The following DPP10 variants were observed in gnomAD, a reference collection of about 807,000 sequenced individuals.
The protein encoded by DPP10 is inactive dipeptidyl peptidase 10.
DPP10 carries 33 observed loss-of-function variants against 120.9 expected under a neutral mutation model. The observed-to-expected ratio is 0.27, with a 90% CI of 0.21 to 0.37. DPP10 has a LOEUF of 0.37. Among genes scored for constraint, DPP10 ranks in the 10% least tolerant of loss-of-function variants. DPP10 has a pLI of 1.00. For synonymous variants in DPP10, 337 were observed against 326.1 expected (o/e 1.03, Z -0.36); for missense variants, 816 against 942.8 (o/e 0.87, Z 1.76).
chr2:114,620,627 C>T (rs2105328601), intron 1 of DPP10, among the ~76,000 whole-genome samples: 1 of 152,126 alleles, frequency 6.6e-6, no homozygotes, highest in Admixed American at 6.6e-5. Context: ...ATTTGTTCTG[C>T]AATATCTATT....
intron 1 of DPP10, among the ~76,000 whole-genome samples, chr2:115,294,291 T>C (rs2060787747): frequency 6.6e-6 from 1 of 152,088 alleles, no homozygotes; most frequent in South Asian, 2.1e-4. Flanking sequence ...GCTTCTGCTT[T>C]TAGAGATTAA....
chr2:114,509,490 G>T (rs1683958408), intron 1 of DPP10, among the ~76,000 whole-genome samples: 1 of 152,168 alleles, frequency 6.6e-6, no homozygotes, highest in Non-Finnish European at 1.5e-5. Flanking sequence ...AGGGTAGCAG[G>T]CCTGGAGACT....
intron 11 of DPP10, among the ~76,000 whole-genome samples, chr2:115,753,558 A>G (rs1270837422): frequency 6.6e-6 from 1 of 152,178 alleles, no homozygotes; most frequent in East Asian, 1.9e-4. Flanking sequence ...ATGAAGTATA[A>G]TCCAAGCCAC....
In DPP10 at chr2:115,136,982, T is replaced by C. The variant is rs556413487; in HGVS notation, c.61-172257T>C. ...GAAGTTCAGTTAGCTCAGTCTCTTT[T>C]GTACTAGGTAGAGTTTGTGGCTATT... On this transcript the variant is annotated intron_variant, in intron 1 of 25. Coordinates refer to ENST00000410059, the MANE Select transcript of DPP10 (RefSeq NM_020868.6). Among the ~76,000 whole-genome samples, 11 of 152,318 alleles carry C rather than the reference T, an allele frequency of 7.2e-5. No homozygotes were observed. In the South Asian group the frequency reaches 2.1e-3, roughly 29 times the overall value.
At chr2:115,050,322 A>T (rs1354583590) in intron 1 of DPP10, 1 of 152,180 alleles carries the variant, frequency 6.6e-6, no homozygotes, top group Admixed American at 6.6e-5. Context: ...TTTCTAGTAC[A>T]GGTAATCAGT....
chr2:115,639,627 GTT>G (rs60317856), intron 5 of DPP10, among the ~76,000 whole-genome samples: 7 of 149,856 alleles, frequency 4.7e-5, no homozygotes, highest in Non-Finnish European at 1.0e-4. Context: ...TGCATTACAG[GTT>G]TTTTTTTTTC....
At chr2:115,054,632 G>A (rs1002618702) in intron 1 of DPP10, among the ~76,000 whole-genome samples, 1 of 152,076 alleles carries the variant, frequency 6.6e-6, no homozygotes, top group East Asian at 1.9e-4. Flanking sequence ...CATATTATAG[G>A]CCCAGGGCGA....
intron 11 of DPP10, among the ~76,000 whole-genome samples, chr2:115,761,540 A>C (rs1033680135): frequency 3.9e-5 from 6 of 152,114 alleles, no homozygotes; most frequent in Non-Finnish European, 8.8e-5. Context: ...GTTCTACCAA[A>C]ACTTGGTGGT....
At chr2:115,285,966 G>T (rs535108609) in intron 1 of DPP10, among the ~76,000 whole-genome samples, 27 of 151,984 alleles carry the variant, frequency 1.8e-4, no homozygotes, top group Non-Finnish European at 3.5e-4. Flanking sequence ...TTTTATGCAT[G>T]CTGTAGTTAG....
intron 1 of DPP10, among the ~76,000 whole-genome samples, chr2:114,687,662 C>G (rs146460455): frequency 9.9e-5 from 15 of 152,036 alleles, no homozygotes; most frequent in African/African-American, 3.6e-4. Context: ...CTGGGAATCC[C>G]TGAGAACTGG....
chr2:114,538,701 T>A (rs544766239), intron 1 of DPP10, among the ~76,000 whole-genome samples: 40 of 152,178 alleles, frequency 2.6e-4, no homozygotes, highest in Non-Finnish European at 3.8e-4. Flanking sequence ...ATTTATTTAT[T>A]GTTCTTGCTA....
intron 7 of DPP10, among the ~76,000 whole-genome samples, chr2:115,722,200 A>G (rs2092665265): frequency 6.6e-6 from 1 of 151,978 alleles, no homozygotes; most frequent in Admixed American, 6.6e-5. Context: ...CCTACAGTCA[A>G]TGATAATTCA....
chr2:114,866,459 C>G (rs1393530892), intron 1 of DPP10, among the ~76,000 whole-genome samples: 2 of 151,902 alleles, frequency 1.3e-5, no homozygotes, highest in Non-Finnish European at 2.9e-5. Flanking sequence ...AGTTAGGTTG[C>G]CTGTTGAAAG....
chr2:115,216,459 T>C (rs969021569), intron 1 of DPP10, among the ~76,000 whole-genome samples: 1 of 152,146 alleles, frequency 6.6e-6, no homozygotes, highest in African/African-American at 2.4e-5. Context: ...TAAGTGTGTA[T>C]GTATATATAT....
At chr2:115,152,948 A>T (rs1441599223) in intron 1 of DPP10, among the ~76,000 whole-genome samples, 1 of 152,212 alleles carries the variant, frequency 6.6e-6, no homozygotes, top group African/African-American at 2.4e-5. Flanking sequence ...GATGAACATG[A>T]ACGTATTTGT....
intron 19 of DPP10, among the ~76,000 whole-genome samples, chr2:115,807,479 C>T (rs1006091496): frequency 3.3e-5 from 5 of 152,116 alleles, no homozygotes; most frequent in Admixed American, 2.0e-4. Context: ...TACTACAGTA[C>T]GCGTAACTGC....
At chr2:114,567,668 G>T (rs1292200589) in intron 1 of DPP10, among the ~76,000 whole-genome samples, 4 of 152,104 alleles carry the variant, frequency 2.6e-5, no homozygotes, top group African/African-American at 7.2e-5. Context: ...GTAGTAATTT[G>T]TTACAACCTC....
chr2:115,809,345 C>G (rs1434658493), intron 19 of DPP10, among the ~76,000 whole-genome samples: 1 of 152,118 alleles, frequency 6.6e-6, no homozygotes, highest in African/African-American at 2.4e-5. Flanking sequence ...GATTATAAAT[C>G]TCTATAAAGT....
intron 1 of DPP10, among the ~76,000 whole-genome samples, chr2:114,995,373 A>G (rs1249191574): frequency 1.3e-5 from 2 of 151,988 alleles, no homozygotes; most frequent in East Asian, 1.9e-4. Flanking sequence ...TAGTTGATCT[A>G]TTACATTTTG....
Sources: gnomAD v4.1 joint callset for allele counts (sites outside exome capture counted in the v4.1 genomes callset) on GRCh38, gnomAD v4.1.1 for gene constraint, MANE v1.5 for transcripts, NCBI Gene and HGNC (gene_info 2026-07-23, HGNC 2026-07-21) for gene names.